CSGALNACT1: variants seen among roughly 807,000 people sequenced by gnomAD.
The protein encoded by CSGALNACT1 is chondroitin sulfate N-acetylgalactosaminyltransferase 1.
In CSGALNACT1, 52 loss-of-function variants were observed where a neutral mutation model predicts 51.0. The observed-to-expected ratio is 1.02, with a 90% CI of 0.82 to 1.29. The LOEUF is 1.29. Among genes scored for constraint, CSGALNACT1 ranks in the 50% most tolerant of loss-of-function variants. The pLI is 0.00. For synonymous variants in CSGALNACT1, 341 were observed against 254.4 expected (o/e 1.34, Z -3.24); for missense variants, 935 against 679.2 (o/e 1.38, Z -4.19).
intron 6 of CSGALNACT1, among the ~76,000 whole-genome samples, chr8:19,433,365 G>C (rs970606753): frequency 6.6e-6 from 1 of 152,216 alleles, no homozygotes; most frequent in Non-Finnish European, 1.5e-5. Context: ...GTTTTAAGTA[G>C]GAGCATAGCC....
chr8:19,500,860 G>A (rs1411014004), intron 4 of CSGALNACT1, among the ~76,000 whole-genome samples: 1 of 152,162 alleles, frequency 6.6e-6, no homozygotes, highest in Non-Finnish European at 1.5e-5. Context: ...TACGGAGGCC[G>A]GGAAGTCCAA....
At chr8:19,498,121 A>G (rs1004396930) in intron 4 of CSGALNACT1, among the ~76,000 whole-genome samples, 1 of 152,066 alleles carries the variant, frequency 6.6e-6, no homozygotes, top group Non-Finnish European at 1.5e-5. Context: ...GACAAAATAA[A>G]CTTTCTAAAT....
intron 1 of CSGALNACT1, among the ~76,000 whole-genome samples, chr8:19,716,612 CAAAAAAAAAAAAAAAAA>C (rs60464594): frequency 2.4e-5 from 1 of 41,968 alleles, no homozygotes; most frequent in Admixed American, 4.2e-4. Flanking sequence ...ACCCTCTCTA[CAAAAAAAAAAAAAAAAA>C]AAAAAAAAAA....
chr8:19,639,017 G>T (rs79891338), intron 1 of CSGALNACT1, among the ~76,000 whole-genome samples: 6,811 of 152,106 alleles, frequency 0.045, 231 homozygotes, highest in Non-Finnish European at 0.063. Flanking sequence ...CCAATAAAGA[G>T]GTATATCATG....
At chr8:19,683,947 T>C (rs2060814656), upstream of CSGALNACT1, among the ~76,000 whole-genome samples, 1 of 152,032 alleles carries the variant, frequency 6.6e-6, no homozygotes, top group Non-Finnish European at 1.5e-5. Context: ...AGGTGGATCA[T>C]CTGAGGTCAG....
chr8:19,474,712 T>C (rs1323469552), intron 4 of CSGALNACT1, among the ~76,000 whole-genome samples: 2 of 151,230 alleles, frequency 1.3e-5, no homozygotes, highest in African/African-American at 4.9e-5. Flanking sequence ...TTACTAAAAA[T>C]ACAAAATTAG....
chr8:19,450,978 C>T (rs191667477), intron 5 of CSGALNACT1, among the ~76,000 whole-genome samples: 2 of 152,152 alleles, frequency 1.3e-5, no homozygotes, highest in East Asian at 1.9e-4. Context: ...AGCCCTACAG[C>T]ACCAAGAACA....
intron 1 of CSGALNACT1, among the ~76,000 whole-genome samples, chr8:19,674,198 CAGG>C (rs929540109): frequency 6.6e-5 from 10 of 152,044 alleles, no homozygotes; most frequent in Admixed American, 2.0e-4. Context: ...GAGGCTGAGG[CAGG>C]AGAATTGTTC....
chr8:19,500,119 G>A (rs965725797), intron 4 of CSGALNACT1, among the ~76,000 whole-genome samples: 2 of 152,214 alleles, frequency 1.3e-5, no homozygotes, highest in Non-Finnish European at 2.9e-5. Context: ...CCTGGTGAGA[G>A]AGGAACCTTC....
intron 2 of CSGALNACT1, among the ~76,000 whole-genome samples, chr8:19,592,869 T>C (rs146506613): frequency 3.3e-5 from 5 of 152,362 alleles, no homozygotes; most frequent in Non-Finnish European, 7.3e-5. Context: ...ATTCTTATTT[T>C]TGCAACTTTC....
intron 5 of CSGALNACT1, among the ~76,000 whole-genome samples, chr8:19,457,078 T>G (rs557704926): frequency 6.6e-6 from 1 of 152,208 alleles, no homozygotes; most frequent in Non-Finnish European, 1.5e-5. Flanking sequence ...GGCAGCTTCC[T>G]GGTGCACACA....
chr8:19,644,434 G>A lies in CSGALNACT1; in HGVS notation c.-544+38039C>T, dbSNP rs573472961. Among the ~76,000 whole-genome samples, 573 of 150,476 alleles carry A rather than the reference G, an allele frequency of 3.8e-3. 2 individuals carry two copies. The highest frequency in any genetic ancestry group is 0.012 in the African/African-American group (502 of 41,268). On this transcript the variant is annotated intron_variant, in intron 1 of 9. Coordinates refer to the CSGALNACT1 transcript ENST00000332246. ...AAAAAAAAAGGTAATGAGGGGCGGGGTGCAGTGGCTCACGCCTGTAATCCC... is the reference window on the plus strand; with the variant it reads ...AAAAAAAAAGGTAATGAGGGGCGGGATGCAGTGGCTCACGCCTGTAATCCC...
chr8:19,740,259 G>T (rs969486550), intron 1 of CSGALNACT1, among the ~76,000 whole-genome samples: 1 of 152,172 alleles, frequency 6.6e-6, no homozygotes, highest in African/African-American at 2.4e-5. Flanking sequence ...CCCTATCCCA[G>T]CTGCTCCCCT....
intron 1 of CSGALNACT1, among the ~76,000 whole-genome samples, chr8:19,679,102 T>C (rs1053427588): frequency 1.3e-5 from 2 of 152,156 alleles, no homozygotes; most frequent in Admixed American, 1.3e-4. Flanking sequence ...TTCATAATTA[T>C]TCTATGTACA....
chr8:19,550,485 T>C (rs930022456), intron 3 of CSGALNACT1, among the ~76,000 whole-genome samples: 5 of 152,222 alleles, frequency 3.3e-5, no homozygotes, highest in African/African-American at 1.2e-4. Flanking sequence ...ATATCTTCTC[T>C]AATGTCTCAC....
At chr8:19,507,528 G>GAAAAAAA (rs35759799) in intron 3 of CSGALNACT1, among the ~76,000 whole-genome samples, 779 of 74,824 alleles carry the variant, frequency 0.01, 46 homozygotes, top group Non-Finnish European at 0.014. Flanking sequence ...ATCTTAGCCA[G>GAAAAAAA]AAAAAAAAAA....
At chr8:19,469,067 GCAC>G (rs2067432723) in intron 4 of CSGALNACT1, among the ~76,000 whole-genome samples, 1 of 152,162 alleles carries the variant, frequency 6.6e-6, no homozygotes, top group South Asian at 2.1e-4. Flanking sequence ...GCCAACCACT[GCAC>G]CAAGGTTAAC....
At chr8:19,625,750 G>C (rs1044604307) in intron 1 of CSGALNACT1, among the ~76,000 whole-genome samples, 3 of 152,138 alleles carry the variant, frequency 2.0e-5, no homozygotes, top group Admixed American at 1.3e-4. Flanking sequence ...CTTAAGAGAG[G>C]GGGCCTTAAG....
At chr8:19,523,106 C>G (rs1475799761) in intron 3 of CSGALNACT1, among the ~76,000 whole-genome samples, 1 of 152,192 alleles carries the variant, frequency 6.6e-6, no homozygotes, top group African/African-American at 2.4e-5. Context: ...CTACAAGGAA[C>G]AAGACCATCA....
Sources: allele counts gnomAD v4.1 joint callset (sites outside exome capture counted in the v4.1 genomes callset), GRCh38; gene constraint gnomAD v4.1.1; transcripts MANE v1.5; gene names NCBI Gene and HGNC (gene_info 2026-07-23, HGNC 2026-07-21).